Variants in ERLEC1 observed in about 807,000 individuals in gnomAD.
ERLEC1 encodes endoplasmic reticulum lectin 1, also known as ER lectin.
In ERLEC1, 47 loss-of-function variants were observed where a neutral mutation model predicts 68.0. The ratio of observed to expected loss-of-function variants is 0.69; its 90% CI spans 0.55 to 0.88. ERLEC1 has a LOEUF of 0.88. ERLEC1 is among the 40% of genes least tolerant of loss of function. The pLI, the probability that ERLEC1 is intolerant of heterozygous loss-of-function variation, is 0.00. For missense variants in ERLEC1, 567 were observed against 583.8 expected, an observed-to-expected ratio of 0.97 and a Z score of 0.30; for synonymous variants, 225 against 203.2, an observed-to-expected ratio of 1.11 and a Z score of -0.91.
intron 6 of ERLEC1, among the ~76,000 whole-genome samples, chr2:53,800,669 C>T (rs949208719): frequency 2.0e-5 from 3 of 152,064 alleles, no homozygotes; most frequent in Admixed American, 2.0e-4. Flanking sequence ...TTTTAAAGTT[C>T]TTAGAGTGGA....
intron 1 of ERLEC1, chr2:53,788,508 TCTC>T (rs1393531404): frequency 6.6e-6 from 1 of 151,910 alleles, no homozygotes; most frequent in Non-Finnish European, 1.5e-5. Flanking sequence ...GCTCAAGAGA[TCTC>T]CTCAGCTTCC....
chr2:53,789,156 G>T (rs896069479), intron 1 of ERLEC1, among the ~76,000 whole-genome samples: 9 of 151,986 alleles, frequency 5.9e-5, no homozygotes, highest in African/African-American at 1.5e-4. Context: ...AGCACTTTGG[G>T]AGGCAGAGGC....
Position 53,799,055 on chromosome 2 carries a change from G to C in ERLEC1, c.499G>C (p.Ala167Pro). The C allele has an allele frequency of 6.2e-7, 1 of 1,612,452 alleles. No homozygotes were observed. Among genetic ancestry groups the C allele is most frequent in the Non-Finnish European group, 8.5e-7 (1 of 1,179,046 alleles). The change falls in exon 6 of 14, where the codon GCA becomes CCA. Residue 167 changes from alanine to proline, a missense_variant. Ala to Pro is a conservative substitution (Grantham distance 27). Transcript: ENST00000185150. ...ACCTTATTATTCCACAGAACGAGAA[G>C]CAGAAGAAAAGGAAAAATCAAATGA... ...KNLLFEKEREAEEKEKSNEIP... is the reference protein window; with the variant it reads ...KNLLFEKEREPEEKEKSNEIP...
At chr2:53,807,006 T>G (rs1676330159) in intron 8 of ERLEC1, among the ~76,000 whole-genome samples, 1 of 152,216 alleles carries the variant, frequency 6.6e-6, no homozygotes, top group South Asian at 2.1e-4. Context: ...ACTCCTAACT[T>G]GACTCTCTTC....
At chr2:53,808,271 A>G in intron 8 of ERLEC1, 28 bp from the exon 9 acceptor site, 1 of 1,575,918 alleles carries the variant, frequency 6.3e-7, no homozygotes, top group South Asian at 1.2e-5. Flanking sequence ...TGGCATGGAA[A>G]CCCTTAAACG....
chr2:53,789,112 T>G (rs1454982396), intron 1 of ERLEC1, among the ~76,000 whole-genome samples: 1 of 151,912 alleles, frequency 6.6e-6, no homozygotes, highest in African/African-American at 2.4e-5. Context: ...AAAAAATGCT[T>G]TGGCCATGTG....
chr2:53,788,258 T>G (rs1240283707), intron 1 of ERLEC1, among the ~76,000 whole-genome samples: 1 of 152,222 alleles, frequency 6.6e-6, no homozygotes, highest in East Asian at 1.9e-4. Flanking sequence ...TATTATATTC[T>G]TTCATTACCA....
intron 10 of ERLEC1, among the ~76,000 whole-genome samples, chr2:53,811,048 C>CAT (rs1676567961): frequency 6.6e-6 from 1 of 152,018 alleles, no homozygotes; most frequent in African/African-American, 2.4e-5. Flanking sequence ...AAAAAAAATG[C>CAT]ATATATATAG....
rs1676027539 is a variant in ERLEC1, at chr2:53,801,912, T to C, written c.879+70T>C. 7.6e-6 allele frequency: 10 copies of C among 1,315,712 alleles called. 1 individual carries two copies. In the South Asian group the frequency reaches 1.2e-4, roughly 15 times the overall value. The allele number at this position is 1,315,712 out of a possible 1,614,324, so 81.5% of individuals were successfully genotyped here. A position where few individuals can be genotyped will look rare whatever the true frequency, so the allele number is the denominator to read the frequency against. ...AAATTTCAGAGCATATGTCAATATT[T>C]TAATGATTTCTGTAGTATAATGGTA... On this transcript the variant is annotated intron_variant, in intron 8 of 13. Transcript: ENST00000185150.
At chr2:53,794,584 T>G (rs1419746438) in intron 2 of ERLEC1, 135 bp downstream of exon 2, 2 of 532,132 alleles carry the variant, frequency 3.8e-6, no homozygotes, top group Non-Finnish European at 6.7e-6. Flanking sequence ...TAGTAATCAC[T>G]TTTAATATCC....
intron 8 of ERLEC1, among the ~76,000 whole-genome samples, chr2:53,805,924 G>T (rs1041089223): frequency 4.6e-5 from 7 of 152,094 alleles, no homozygotes; most frequent in African/African-American, 1.4e-4. Context: ...GTATCTTTAG[G>T]GTACATGTGC....
intron 1 of ERLEC1, 76 bp from the exon 2 acceptor site, chr2:53,794,269 C>T (rs973236335): frequency 1.2e-5 from 7 of 592,222 alleles, no homozygotes; most frequent in Non-Finnish European, 2.0e-5. Flanking sequence ...AATCTTTTTT[C>T]CAGCTAAGAC....
At chr2:53,796,753 T>G (rs569138882) in intron 3 of ERLEC1, among the ~76,000 whole-genome samples, 1 of 152,302 alleles carries the variant, frequency 6.6e-6, no homozygotes, top group South Asian at 2.1e-4. Context: ...CCCAGCTAGT[T>G]ATTTCTTAAT....
At position 53,787,524 on chromosome 2, in the gene ERLEC1, C is replaced by G. The variant is rs1282623510; in HGVS notation, c.162+152C>G. On this transcript the variant is annotated intron_variant, in intron 1 of 13. Coordinates refer to ENST00000185150, the MANE Select transcript of ERLEC1 (RefSeq NM_015701.5). ...AAGCTGCTTTTATGCAGCGTTCATT[C>G]ATTCGTTCGTTCTCACGTTATGTGG... The G allele has an allele frequency of 2.2e-5, 19 of 872,356 alleles. No individual in the cohort carries two copies. In the Admixed American group the frequency reaches 5.8e-4, roughly 26 times the overall value. The allele number at this position is 872,356 out of a possible 1,614,324, so 54.0% of individuals were successfully genotyped here.
chr2:53,787,569 C>G, intron 1 of ERLEC1, 197 bp downstream of exon 1: 1 of 522,836 alleles, frequency 1.9e-6, no homozygotes, highest in Non-Finnish European at 3.2e-6. Flanking sequence ...CCTTGCTGAG[C>G]ATTAGGGATC....
intron 1 of ERLEC1, among the ~76,000 whole-genome samples, chr2:53,793,553 AAGTGCTC>A (rs1162199530): frequency 6.6e-6 from 1 of 152,146 alleles, no homozygotes; most frequent in Non-Finnish European, 1.5e-5. Context: ...AAAGTTTAAT[AAGTGCTC>A]AGTGATGGTG....
chr2:53,795,832 T>G (rs548354744), intron 2 of ERLEC1, 101 bp from the exon 3 acceptor site: 1 of 745,880 alleles, frequency 1.3e-6, no homozygotes, highest in East Asian at 2.8e-5. Flanking sequence ...TCTCTTTTAT[T>G]TCTAAGCATT....
At chr2:53,814,371 A>C (rs1676749242) in intron 11 of ERLEC1, among the ~76,000 whole-genome samples, 172 bp from the exon 12 acceptor site, 1 of 152,238 alleles carries the variant, frequency 6.6e-6, no homozygotes, top group South Asian at 2.1e-4. Context: ...ATCCAAGAGA[A>C]TGCCTCTGTG....
intron 8 of ERLEC1, among the ~76,000 whole-genome samples, chr2:53,804,373 A>C (rs925581297): frequency 6.6e-6 from 1 of 151,680 alleles, no homozygotes; most frequent in Non-Finnish European, 1.5e-5. Flanking sequence ...TCCTGGGTTC[A>C]AGTGGTTCTT....
Sources: gnomAD v4.1 joint callset for allele counts (sites outside exome capture counted in the v4.1 genomes callset) on GRCh38, gnomAD v4.1.1 for gene constraint, MANE v1.5 for transcripts, NCBI Gene and HGNC (gene_info 2026-07-23, HGNC 2026-07-21) for gene names.